PCGF5: variants seen among roughly 807,000 people sequenced by gnomAD.
The protein encoded by PCGF5 is polycomb group RING finger protein 5.
A neutral mutation model predicts 44.3 loss-of-function variants in PCGF5; 9 were observed. The ratio of observed to expected loss-of-function variants is 0.20; its 90% CI spans 0.12 to 0.35. The LOEUF (loss-of-function observed/expected upper bound fraction) is 0.35, where lower values mean the gene tolerates loss of function less well. Ranked by LOEUF, PCGF5 falls within the 10% of genes least tolerant of loss-of-function variation. The pLI, the probability that PCGF5 is intolerant of heterozygous loss-of-function variation, is 1.00. For synonymous variants in PCGF5, 95 were observed against 102.5 expected, an observed-to-expected ratio of 0.93 and a Z score of 0.44; for missense variants, 146 against 305.3, an observed-to-expected ratio of 0.48 and a Z score of 3.89.
In PCGF5 at chr10:91,281,769, G is replaced by A. The variant is rs1220688153; in HGVS notation, c.*3453G>A. 1.3e-5 allele frequency: 2 copies of A among 152,298 alleles called. No individual in the cohort carries two copies. Among genetic ancestry groups the A allele is most frequent in the African/African-American group, 2.4e-5 (1 of 41,452 alleles). The allele number at this position is 152,298 out of a possible 1,614,324, so 9.4% of individuals were successfully genotyped here. On this transcript the variant is annotated 3_prime_UTR_variant, in exon 10 of 10. Coordinates refer to ENST00000336126, the MANE Select transcript of PCGF5 (RefSeq NM_032373.5). ...AAACTGAATTTTCTTGGTGAGATCA[G>A]TCAAATGCAGGCTTTTCTTGCAATA...
At chr10:91,238,223 T>C (rs1017760119) in intron 2 of PCGF5, among the ~76,000 whole-genome samples, 5 of 152,226 alleles carry the variant, frequency 3.3e-5, no homozygotes, top group African/African-American at 7.2e-5. Context: ...CTATTGGCAG[T>C]CCAGATCTAG....
chr10:91,171,563 C>G (rs1843605848), intron 1 of PCGF5, among the ~76,000 whole-genome samples: 1 of 152,116 alleles, frequency 6.6e-6, no homozygotes, highest in African/African-American at 2.4e-5. Flanking sequence ...CTGAAACTGC[C>G]AACTCCATAT....
intron 1 of PCGF5, among the ~76,000 whole-genome samples, chr10:91,190,644 A>G (rs1844015837): frequency 6.6e-6 from 1 of 152,222 alleles, no homozygotes; most frequent in Admixed American, 6.5e-5. Flanking sequence ...CCATTGAATC[A>G]TTCTCTGGAT....
intron 1 of PCGF5, among the ~76,000 whole-genome samples, chr10:91,205,494 C>T (rs1020851363): frequency 3.3e-5 from 5 of 152,176 alleles, no homozygotes; most frequent in Non-Finnish European, 4.4e-5. Flanking sequence ...GTACATTTTT[C>T]CTGAAGAAAC....
At chr10:91,274,317 G>T (rs1453147141) in intron 9 of PCGF5, among the ~76,000 whole-genome samples, 6 of 152,170 alleles carry the variant, frequency 3.9e-5, no homozygotes, top group Non-Finnish European at 8.8e-5. Flanking sequence ...TAATGAGAGG[G>T]AATGTGTACT....
chr10:91,274,393 A>G (rs1336194672), intron 9 of PCGF5, among the ~76,000 whole-genome samples: 1 of 152,242 alleles, frequency 6.6e-6, no homozygotes, highest in African/African-American at 2.4e-5. Flanking sequence ...AAACATAGAC[A>G]TATGAATAAA....
intron 1 of PCGF5, among the ~76,000 whole-genome samples, chr10:91,212,597 T>G (rs74149088): frequency 0.021 from 3,224 of 152,328 alleles, 109 homozygotes; most frequent in African/African-American, 0.071. Flanking sequence ...GAATTGAATC[T>G]GAATAAATCA....
intron 2 of PCGF5, among the ~76,000 whole-genome samples, chr10:91,235,592 C>T (rs916899017): frequency 6.6e-6 from 1 of 151,970 alleles, no homozygotes; most frequent in Non-Finnish European, 1.5e-5. Context: ...TTGGCTGTGT[C>T]CCCACCCAAA....
At chr10:91,199,412 T>C (rs373568407) in intron 1 of PCGF5, among the ~76,000 whole-genome samples, 3 of 152,340 alleles carry the variant, frequency 2.0e-5, no homozygotes, top group African/African-American at 7.2e-5. Context: ...TGGGCCAAGA[T>C]GGCCAGGCCT....
intron 2 of PCGF5, among the ~76,000 whole-genome samples, chr10:91,226,381 G>A (rs1844841369): frequency 6.6e-6 from 1 of 151,416 alleles, no homozygotes; most frequent in African/African-American, 2.4e-5. Flanking sequence ...GGATACTGGA[G>A]CAGAATGATA....
intron 1 of PCGF5, among the ~76,000 whole-genome samples, chr10:91,165,941 G>A (rs1252832415): frequency 6.6e-6 from 1 of 152,118 alleles, no homozygotes; most frequent in African/African-American, 2.4e-5. Flanking sequence ...AAGAAGAATG[G>A]GCTTCTAGCA....
chr10:91,260,007 C>T (rs1480815681), intron 6 of PCGF5, among the ~76,000 whole-genome samples: 1 of 151,876 alleles, frequency 6.6e-6, no homozygotes, highest in Non-Finnish European at 1.5e-5. Context: ...GCAAAAGAAA[C>T]TACCATCAGA....
chr10:91,258,717 A>G (rs895812241), intron 6 of PCGF5, among the ~76,000 whole-genome samples: 20 of 152,176 alleles, frequency 1.3e-4, no homozygotes, highest in African/African-American at 4.6e-4. Flanking sequence ...TGTCTAGAAT[A>G]TCCGTCTTCA....
At chr10:91,277,680 T>C (rs1846350871) in intron 9 of PCGF5, among the ~76,000 whole-genome samples, 1 of 152,258 alleles carries the variant, frequency 6.6e-6, no homozygotes, top group Non-Finnish European at 1.5e-5. Context: ...AAGGAGGTAG[T>C]GACCTAAATG....
intron 1 of PCGF5, among the ~76,000 whole-genome samples, chr10:91,193,065 A>T (rs960935557): frequency 2.0e-5 from 3 of 152,140 alleles, no homozygotes; most frequent in African/African-American, 7.2e-5. Flanking sequence ...AGTTGGAATG[A>T]TCCAAAATGT....
At chr10:91,200,154 AG>A (rs766146013) in intron 1 of PCGF5, among the ~76,000 whole-genome samples, 1 of 152,232 alleles carries the variant, frequency 6.6e-6, no homozygotes, top group Non-Finnish European at 1.5e-5. Flanking sequence ...GAGAGGGCCC[AG>A]CCTGCTCCCA....
intron 1 of PCGF5, among the ~76,000 whole-genome samples, chr10:91,181,930 A>G (rs773030717): frequency 1.3e-5 from 2 of 152,120 alleles, no homozygotes; most frequent in African/African-American, 4.8e-5. Flanking sequence ...GAATATTTCC[A>G]GTAGGAATGG....
At chr10:91,213,627 GCTTTTTTTTTT>G (rs1279180963) in intron 1 of PCGF5, among the ~76,000 whole-genome samples, 1 of 150,380 alleles carries the variant, frequency 6.6e-6, no homozygotes, top group Non-Finnish European at 1.5e-5. Flanking sequence ...ACCACACCAG[GCTTTTTTTTTT>G]CTTTTTTTTT....
At chr10:91,251,259 T>C in intron 5 of PCGF5, 33 bp from the exon 6 acceptor site, 1 of 1,546,908 alleles carries the variant, frequency 6.5e-7, no homozygotes, top group Non-Finnish European at 8.8e-7. Flanking sequence ...AACTTTGATT[T>C]ATAGCTAACT....
Sources: gnomAD v4.1 joint callset for allele counts (sites outside exome capture counted in the v4.1 genomes callset) on GRCh38, gnomAD v4.1.1 for gene constraint, MANE v1.5 for transcripts, NCBI Gene and HGNC (gene_info 2026-07-23, HGNC 2026-07-21) for gene names.